Variants in CARNS1 observed in about 807,000 individuals in gnomAD.
The protein encoded by CARNS1 is carnosine synthase 1, also known as ATP-grasp domain containing 1.
CARNS1 carries 61 observed loss-of-function variants against 74.0 expected under a neutral mutation model. That is an observed-to-expected ratio of 0.82 (90% CI 0.67 to 1.02). The LOEUF (loss-of-function observed/expected upper bound fraction) is 1.02, where lower values mean the gene tolerates loss of function less well. Ranked by LOEUF, CARNS1 falls within the 50% of genes least tolerant of loss-of-function variation. CARNS1 has a pLI of 0.00. For missense variants in CARNS1, 1,278 were observed against 1,308.4 expected, an observed-to-expected ratio of 0.98 and a Z score of 0.36; for synonymous variants, 568 against 605.5, an observed-to-expected ratio of 0.94 and a Z score of 0.91.
chr11:67,422,308 G>A (rs1008281398), intron 9 of CARNS1, among the ~76,000 whole-genome samples: 6 of 148,630 alleles, frequency 4.0e-5, no homozygotes, highest in East Asian at 2.0e-4. Context: ...CTCAGCCTCC[G>A]GAGTAACTAG....
At chr11:67,421,887 C>T (rs1454709743) in intron 9 of CARNS1, among the ~76,000 whole-genome samples, 2 of 152,026 alleles carry the variant, frequency 1.3e-5, no homozygotes, top group South Asian at 2.1e-4. Flanking sequence ...GCCACCATGC[C>T]CAGCTAATTT....
Position 67,416,187 on chromosome 11 carries a change from C to G in CARNS1, c.-13C>G. The G allele has an allele frequency of 6.5e-7, 1 of 1,528,520 alleles. No individual in the cohort carries two copies. The highest frequency in any genetic ancestry group is 8.8e-7 in the Non-Finnish European group (1 of 1,138,930). 94.7% of individuals were successfully genotyped at this position (1,528,520 alleles called of 1,614,324 possible). On this transcript the variant is annotated 5_prime_UTR_variant, in exon 2 of 10. Transcript: ENST00000687366. ...GTCTCTGCCATCAGTCTCTCAGCCA[C>G]TCCACCCACGAGATGGTGAGTCTTC...
chr11:67,416,782 G>C lies in CARNS1; in HGVS notation c.3+580G>C, dbSNP rs578116036. The C allele has an allele frequency of 4.2e-4, 416 of 986,344 alleles. 3 individuals carry two copies. The African/African-American group carries it at 6.8e-3, about 16-fold the overall frequency. 61.1% of individuals were successfully genotyped at this position (986,344 alleles called of 1,614,324 possible). A position where few individuals can be genotyped will look rare whatever the true frequency, so the allele number is the denominator to read the frequency against. On this transcript the variant is annotated intron_variant, in intron 2 of 9. Coordinates refer to ENST00000687366, the MANE Select transcript of CARNS1 (RefSeq NM_001166222.2). Reference sequence around the variant, plus strand: ...CGCCAGCCTCAGAGAGGGGAGGGACGTTAGGTTTCATCCAAAGAAAGCATT... The same window carrying C: ...CGCCAGCCTCAGAGAGGGGAGGGACCTTAGGTTTCATCCAAAGAAAGCATT...
chr11:67,416,937 A>G (rs768960611), intron 2 of CARNS1: 6 of 988,086 alleles, frequency 6.1e-6, no homozygotes, highest in Non-Finnish European at 7.2e-6. Context: ...GTGTCAGCAC[A>G]CTCCATGCCG....
rs1411126508 is a variant in CARNS1, at chr11:67,425,351, C to T, written c.*750C>T. On this transcript the variant is annotated 3_prime_UTR_variant, in exon 10 of 10. Coordinates refer to ENST00000687366, the MANE Select transcript of CARNS1 (RefSeq NM_001166222.2). ...TTACATGCCCATTCAGCTTCTAGGCCCCCCTCACCTCCCTGCCCTCATTCA... is the reference window on the plus strand; with the variant it reads ...TTACATGCCCATTCAGCTTCTAGGCTCCCCTCACCTCCCTGCCCTCATTCA... The T allele has an allele frequency of 3.1e-6, 1 of 319,764 alleles. No individual in the cohort carries two copies. The highest frequency in any genetic ancestry group is 2.2e-5 in the African/African-American group (1 of 46,334). The allele number at this position is 319,764 out of a possible 1,614,324, so 19.8% of individuals were successfully genotyped here. A position where few individuals can be genotyped will look rare whatever the true frequency, so the allele number is the denominator to read the frequency against.
chr11:67,423,402 C>A lies in CARNS1; in HGVS notation c.1654C>A (p.His552Asn), dbSNP rs376035306. The A allele has an allele frequency of 6.2e-7, 1 of 1,608,614 alleles. No individual in the cohort carries two copies. Among genetic ancestry groups the A allele is most frequent in the African/African-American group, 1.3e-5 (1 of 74,870 alleles). The change falls in exon 10 of 10, where the codon CAC becomes AAC. Residue 552 changes from histidine (H) to asparagine (N), a missense_variant. Physicochemically the swap from His to Asn is moderately conservative, Grantham distance 68. Transcript: ENST00000687366. This position sits in a 1 kb window ranked among gnomAD's most constrained non-coding sequence, Gnocchi z 5.1. ...QLHLVESDPN[H>N]FASQLVQTFI... ...GCACCTCGTGGAGTCAGACCCCAACCACTTTGCATCCCAGTTGGTACAGAC... is the reference window on the plus strand; with the variant it reads ...GCACCTCGTGGAGTCAGACCCCAACAACTTTGCATCCCAGTTGGTACAGAC...
chr11:67,419,923 C>A, intron 7 of CARNS1, 85 bp downstream of exon 7: 1 of 1,390,504 alleles, frequency 7.2e-7, no homozygotes, highest in Non-Finnish European at 9.9e-7. Flanking sequence ...GGCCCCTGAG[C>A]CGTCTCTGGG....
intron 1 of CARNS1, 116 bp from the exon 2 acceptor site, chr11:67,416,060 T>C: frequency 1.4e-6 from 1 of 715,334 alleles, no homozygotes. Context: ...GGCCTCTCTC[T>C]GCAGGGACAG....
Position 67,423,629 on chromosome 11 carries a change from G to C in CARNS1, c.1881G>C (p.Lys627Asn). 1 of 1,609,418 alleles carries C rather than the reference G, an allele frequency of 6.2e-7. No homozygotes were observed. The highest frequency in any genetic ancestry group is 8.5e-7 in the Non-Finnish European group (1 of 1,178,614). ...SPAAMRLAKQ[K>N]SLTQLHLLHH... is the part of the protein sequence containing the mutation. ...CTGCCATGCGCCTGGCTAAGCAGAAGAGCCTCACCCAGCTGCACCTGTTGC... is the reference window on the plus strand; with the variant it reads ...CTGCCATGCGCCTGGCTAAGCAGAACAGCCTCACCCAGCTGCACCTGTTGC... The change falls in exon 10 of 10, where the codon AAG becomes AAC. Residue 627 changes from lysine to asparagine, a missense_variant. Transcript: ENST00000687366. This position sits in a 1 kb window ranked among gnomAD's most constrained non-coding sequence, Gnocchi z 5.1.
In CARNS1 at chr11:67,421,091, C is replaced by G; in HGVS notation, c.1498C>G (p.Pro500Ala). Residue 500 changes from proline to alanine, a missense_variant, in exon 9 of 10, where the codon CCG (proline) becomes GCG (alanine). Pro to Ala is a conservative substitution (Grantham distance 27, BLOSUM62 -1). Transcript: ENST00000687366. ...GGCGGCCGACGAGGCGGTGGCGGCG[C>G]CGCTGGTGGAGACCATGCTTCGGCG... ...GPAADEAVAA[P>A]LVETMLRRSA... The G allele has an allele frequency of 7.2e-7, 1 of 1,391,546 alleles. No individual in the cohort carries two copies. The highest frequency in any genetic ancestry group is 1.5e-5 in the African/African-American group (1 of 65,848). 86.2% of individuals were successfully genotyped at this position (1,391,546 alleles called of 1,614,324 possible).
chr11:67,416,091 C>T, intron 1 of CARNS1, 85 bp from the exon 2 acceptor site: 1 of 848,060 alleles, frequency 1.2e-6, no homozygotes, highest in Admixed American at 2.0e-5. Context: ...CCTCTCCACT[C>T]CCAAAGTCTA....
chr11:67,416,520 C>T, intron 2 of CARNS1: 2 of 1,205,356 alleles, frequency 1.7e-6, no homozygotes, highest in African/African-American at 1.6e-5. Context: ...TGGGCCACAG[C>T]ACACCATCTC....
rs987894834 is a variant in CARNS1 at position 67,424,717 on chromosome 11, C to T, written c.*116C>T. The T allele has an allele frequency of 3.3e-5, 39 of 1,173,268 alleles. No individual in the cohort carries two copies. The highest frequency in any genetic ancestry group is 5.9e-4 in the Middle Eastern group (2 of 3,384). 72.7% of individuals were successfully genotyped at this position (1,173,268 alleles called of 1,614,324 possible). A position where few individuals can be genotyped will look rare whatever the true frequency, so the allele number is the denominator to read the frequency against. ...ACCATGCCCCAGCCCCAGCCTGGCC[C>T]GCTGCAATGCCTAGGTCTGTTCCAG... On this transcript the variant is annotated 3_prime_UTR_variant, in exon 10 of 10. Coordinates refer to ENST00000687366, the MANE Select transcript of CARNS1 (RefSeq NM_001166222.2).
rs1472386858 is a variant in CARNS1, at chr11:67,425,434, C to T, written c.*833C>T. 13 of 212,618 alleles carry T rather than the reference C, an allele frequency of 6.1e-5. No individual in the cohort carries two copies. The highest frequency in any genetic ancestry group is 1.5e-4 in the South Asian group (2 of 13,506). 13.2% of individuals were successfully genotyped at this position (212,618 alleles called of 1,614,324 possible). Reference sequence around the variant, plus strand: ...CCTATGCATCACAAACCTTCTCCACCGAGCTTTGGTGCTTTGGCCTCTGGC... The same window carrying T: ...CCTATGCATCACAAACCTTCTCCACTGAGCTTTGGTGCTTTGGCCTCTGGC... On this transcript the variant is annotated 3_prime_UTR_variant, in exon 10 of 10. Coordinates refer to ENST00000687366, the MANE Select transcript of CARNS1 (RefSeq NM_001166222.2).
Position 67,420,749 on chromosome 11 carries a change from G to T in CARNS1, c.1254G>T (p.Ala418=). The T allele has an allele frequency of 8.0e-7, 1 of 1,247,876 alleles. No homozygotes were observed. The highest frequency in any genetic ancestry group is 3.5e-5 in the South Asian group (1 of 28,178). 77.3% of individuals were successfully genotyped at this position (1,247,876 alleles called of 1,614,324 possible). ...VAAVRQRVKA[A]AEAALAAVLA... is the part of the protein sequence containing the mutation. ...CTGTGCGGCAGCGCGTCAAGGCGGC[G>T]GCCGAGGCCGCGCTGGCCGCCGTGC... is the stretch of plus-strand genomic sequence containing the variant. The change falls in exon 8 of 10, where the codon GCG becomes GCT. Residue 418 remains alanine, a synonymous_variant. Coordinates refer to ENST00000687366, the MANE Select transcript of CARNS1 (RefSeq NM_001166222.2).
rs780691014 is a variant in CARNS1, at chr11:67,424,705, C to T, written c.*104C>T. 77 of 1,271,122 alleles carry T rather than the reference C, an allele frequency of 6.1e-5. No homozygotes were observed. The highest frequency in any genetic ancestry group is 7.9e-5 in the Non-Finnish European group (74 of 942,396). The allele number at this position is 1,271,122 out of a possible 1,614,324, so 78.7% of individuals were successfully genotyped here. ...TCTCTCCCCATCACCATGCCCCAGC[C>T]CCAGCCTGGCCCGCTGCAATGCCTA... On this transcript the variant is annotated 3_prime_UTR_variant, in exon 10 of 10. Coordinates refer to ENST00000687366, the MANE Select transcript of CARNS1 (RefSeq NM_001166222.2).
chr11:67,425,347 A>C lies in CARNS1; in HGVS notation c.*746A>C, dbSNP rs1863805549. 3.1e-6 allele frequency: 1 copy of C among 319,446 alleles called. No individual in the cohort carries two copies. The highest frequency in any genetic ancestry group is 3.9e-5 in the Admixed American group (1 of 25,498). 19.8% of individuals were successfully genotyped at this position (319,446 alleles called of 1,614,324 possible). On this transcript the variant is annotated 3_prime_UTR_variant, in exon 10 of 10. Transcript: ENST00000687366. ...AGTCTTACATGCCCATTCAGCTTCT[A>C]GGCCCCCCTCACCTCCCTGCCCTCA...
Position 67,424,775 on chromosome 11 carries a change from T to C in CARNS1, c.*174T>C. The C allele has an allele frequency of 1.4e-6, 1 of 738,522 alleles. No homozygotes were observed. The highest frequency in any genetic ancestry group is 1.8e-5 in the South Asian group (1 of 54,590). 45.7% of individuals were successfully genotyped at this position (738,522 alleles called of 1,614,324 possible). Reference sequence around the variant, plus strand: ...GGGCAATTTAGACACCAAGGCATCCTGGACTCAAGGGCCTCTTGCCCTCCC... The same window carrying C: ...GGGCAATTTAGACACCAAGGCATCCCGGACTCAAGGGCCTCTTGCCCTCCC... On this transcript the variant is annotated 3_prime_UTR_variant, in exon 10 of 10. Transcript: ENST00000687366.
chr11:67,421,275 CG>C, intron 9 of CARNS1, 56 bp downstream of exon 9: 1 of 1,372,620 alleles, frequency 7.3e-7, no homozygotes, highest in South Asian at 1.6e-5. Flanking sequence ...GTGGTGGAGG[CG>C]GGACCCCGGG....
Sources: gnomAD v4.1 joint callset for allele counts (sites outside exome capture counted in the v4.1 genomes callset) on GRCh38, gnomAD v4.1.1 for gene constraint, Gnocchi (gnomAD v3.1) non-coding constraint, MANE v1.5 for transcripts, NCBI Gene and HGNC (gene_info 2026-07-23, HGNC 2026-07-21) for gene names.